The following SNX29 variants were observed in gnomAD, a reference collection of about 807,000 sequenced individuals.
SNX29 encodes the protein sorting nexin-29.
SNX29 carries 78 observed loss-of-function variants against 102.1 expected under a neutral mutation model. The ratio of observed to expected loss-of-function variants is 0.76; its 90% CI spans 0.64 to 0.92. The LOEUF (loss-of-function observed/expected upper bound fraction) is 0.92, where lower values mean the gene tolerates loss of function less well. SNX29 is among the 40% of genes least tolerant of loss of function. SNX29 has a pLI of 0.00. For missense variants in SNX29, 1,280 were observed against 1,061.7 expected, an observed-to-expected ratio of 1.21 and a Z score of -2.86; for synonymous variants, 580 against 414.5, an observed-to-expected ratio of 1.40 and a Z score of -4.85.
intron 18 of SNX29, 130 bp from the exon 19 acceptor site, chr16:12,477,589 G>T: frequency 2.9e-6 from 3 of 1,049,654 alleles, no homozygotes; most frequent in Non-Finnish European, 4.2e-6. Context: ...GCCAGGAACT[G>T]GGCATCCAGT....
chr16:12,326,843 G>A (rs1050635612), intron 15 of SNX29, among the ~76,000 whole-genome samples: 1 of 152,226 alleles, frequency 6.6e-6, no homozygotes, highest in African/African-American at 2.4e-5. Context: ...CTTGCGGGAG[G>A]TGTGAGGTGG....
chr16:12,074,440 G>A (rs1201288154), intron 10 of SNX29, among the ~76,000 whole-genome samples: 1 of 151,992 alleles, frequency 6.6e-6, no homozygotes, highest in Non-Finnish European at 1.5e-5. Flanking sequence ...GCTTAGTTTG[G>A]CTGGATATGA....
At chr16:12,339,883 G>A (rs991009741) in intron 15 of SNX29, among the ~76,000 whole-genome samples, 3 of 152,328 alleles carry the variant, frequency 2.0e-5, no homozygotes, top group South Asian at 4.1e-4. Context: ...AGGGCACGTG[G>A]CCAACAGTCA....
Position 12,058,488 on chromosome 16 carries a change from GTTTTTGGTTTTTTTT to G in SNX29, c.1125-3034_1125-3020del, listed in dbSNP as rs1029277846. Among the ~76,000 whole-genome samples, 245 of 26,216 alleles carry G rather than the reference GTTTTTGGTTTTTTTT, an allele frequency of 9.3e-3. 7 individuals carry two copies. Among genetic ancestry groups the G allele is most frequent in the Non-Finnish European group, 0.018 (210 of 11,722 alleles). 17.2% of individuals were successfully genotyped at this position (26,216 alleles called of 152,430 possible). A position where few individuals can be genotyped will look rare whatever the true frequency, so the allele number is the denominator to read the frequency against. ...GGGCCCACTGGTGTTTTTTTTTTTG[GTTTTTGGTTTTTTTT>G]TTTTTTTTGAGATGGAGTCTCGCTC... On this transcript the variant is annotated intron_variant, in intron 8 of 20. Coordinates refer to ENST00000566228, the MANE Select transcript of SNX29 (RefSeq NM_032167.5).
chr16:12,489,971 A>G (rs1020915058), intron 19 of SNX29, among the ~76,000 whole-genome samples: 1 of 152,018 alleles, frequency 6.6e-6, no homozygotes, highest in African/African-American at 2.4e-5. Flanking sequence ...ATGCATGGCT[A>G]ATTTCTGTAT....
intron 13 of SNX29, among the ~76,000 whole-genome samples, chr16:12,171,379 C>T (rs745898132): frequency 6.6e-6 from 1 of 152,120 alleles, no homozygotes; most frequent in Non-Finnish European, 1.5e-5. Flanking sequence ...TCTTTTGGAT[C>T]ATCCTGAGTC....
At chr16:12,136,062 T>G (rs2054647795) in intron 13 of SNX29, among the ~76,000 whole-genome samples, 1 of 152,256 alleles carries the variant, frequency 6.6e-6, no homozygotes, top group African/African-American at 2.4e-5. Context: ...CTTCGCTTCT[T>G]GTGTCTCACT....
Position 12,566,546 on chromosome 16 carries a change from G to A in SNX29, c.2319-1960G>A, listed in dbSNP as rs1028317280. ...CATCTGAAGAGCATGACAGGAGGGG[G>A]TTGTGAGGGCATGGCTTTAAACTGA... On this transcript the variant is annotated intron_variant, in intron 20 of 20. Transcript: ENST00000566228. Among the ~76,000 whole-genome samples the A allele has an allele frequency of 4.6e-5, 7 of 152,216 alleles. 1 individual carries two copies. Among genetic ancestry groups the A allele is most frequent in the East Asian group, 1.9e-4 (1 of 5,192 alleles).
intron 15 of SNX29, among the ~76,000 whole-genome samples, chr16:12,355,636 A>G (rs42672): frequency 0.056 from 8,586 of 152,196 alleles, 399 homozygotes; most frequent in African/African-American, 0.12. Flanking sequence ...TACATTGACT[A>G]TAGACCATCT....
At position 12,569,360 on chromosome 16, in the gene SNX29, G is replaced by A. The variant is rs1030061868; in HGVS notation, c.*731G>A. ...GGCCACCTAGGCCCTCGCCAGGCTT[G>A]GAGTGGGGGGACTCAGACATCTGGC... On this transcript the variant is annotated 3_prime_UTR_variant, in exon 21 of 21. Coordinates refer to ENST00000566228, the MANE Select transcript of SNX29 (RefSeq NM_032167.5). 9 of 230,338 alleles carry A rather than the reference G, an allele frequency of 3.9e-5. No homozygotes were observed. The highest frequency in any genetic ancestry group is 1.3e-4 in the African/African-American group (6 of 45,268). 14.3% of individuals were successfully genotyped at this position (230,338 alleles called of 1,614,324 possible).
At chr16:12,333,106 A>ATTTTTTTT (rs34047585) in intron 15 of SNX29, among the ~76,000 whole-genome samples, 3 of 135,782 alleles carry the variant, frequency 2.2e-5, no homozygotes, top group Non-Finnish European at 3.1e-5. Flanking sequence ...CAATCAGTTA[A>ATTTTTTTT]TTTTTTTTTT....
At chr16:12,138,166 A>G (rs1235474399) in intron 13 of SNX29, among the ~76,000 whole-genome samples, 1 of 151,226 alleles carries the variant, frequency 6.6e-6, no homozygotes, top group African/African-American at 2.4e-5. Context: ...CCAAGATGGC[A>G]GCATTGTACA....
intron 18 of SNX29, among the ~76,000 whole-genome samples, chr16:12,407,850 T>C (rs2084229514): frequency 6.6e-6 from 1 of 152,220 alleles, no homozygotes; most frequent in Admixed American, 6.5e-5. Flanking sequence ...CATGATGGCA[T>C]GTGCCTGTAG....
intron 15 of SNX29, among the ~76,000 whole-genome samples, chr16:12,307,914 G>T (rs892465652): frequency 2.0e-5 from 3 of 152,184 alleles, no homozygotes; most frequent in Non-Finnish European, 4.4e-5. Context: ...GGAGAGAAGA[G>T]GTGGGCTTCC....
At chr16:12,170,686 G>A (rs2076127854) in intron 13 of SNX29, among the ~76,000 whole-genome samples, 1 of 151,934 alleles carries the variant, frequency 6.6e-6, no homozygotes, top group South Asian at 2.1e-4. Context: ...GTGGCTGAGT[G>A]GGTGGTAGAC....
In SNX29 at chr16:12,568,486, T is replaced by C; in HGVS notation, c.2319-20T>C. Reference sequence around the variant, plus strand: ...CTTTTCATCCCCAGACTTAACCCGATTCTCTCCCTGCTCTTTCAGCGACAT... The same window carrying C: ...CTTTTCATCCCCAGACTTAACCCGACTCTCTCCCTGCTCTTTCAGCGACAT... On this transcript the variant is annotated intron_variant, in intron 20 of 20. Coordinates refer to ENST00000566228, the MANE Select transcript of SNX29 (RefSeq NM_032167.5). 2 of 1,608,452 alleles carry C rather than the reference T, an allele frequency of 1.2e-6. No individual in the cohort carries two copies. The highest frequency in any genetic ancestry group is 1.1e-5 in the South Asian group (1 of 91,042).
At chr16:12,404,801 G>T (rs549623602) in intron 18 of SNX29, among the ~76,000 whole-genome samples, 2 of 152,148 alleles carry the variant, frequency 1.3e-5, no homozygotes, top group Non-Finnish European at 2.9e-5. Context: ...TTTGAGATTA[G>T]AAATACCTGG....
intron 15 of SNX29, among the ~76,000 whole-genome samples, chr16:12,316,242 A>T (rs1186317727): frequency 1.3e-5 from 2 of 152,174 alleles, no homozygotes; most frequent in Non-Finnish European, 2.9e-5. Context: ...GACAGGGCTG[A>T]CTTGTCTAAA....
At chr16:12,466,689 G>A (rs1168082775) in intron 18 of SNX29, among the ~76,000 whole-genome samples, 2 of 152,204 alleles carry the variant, frequency 1.3e-5, no homozygotes, top group Non-Finnish European at 2.9e-5. Context: ...AGCATGGATA[G>A]TTTCATGCTT....
Sources: allele counts gnomAD v4.1 joint callset (sites outside exome capture counted in the v4.1 genomes callset), GRCh38; gene constraint gnomAD v4.1.1; transcripts MANE v1.5; gene names NCBI Gene and HGNC (gene_info 2026-07-23, HGNC 2026-07-21).